The following MEGF9 variants were observed in gnomAD, a reference collection of about 807,000 sequenced individuals.
MEGF9 encodes the protein multiple epidermal growth factor-like domains protein 9.
Under a neutral mutation model 46.8 loss-of-function variants are expected in MEGF9, and 6 were observed. That is an observed-to-expected ratio of 0.13 (90% CI 0.07 to 0.25). The LOEUF is 0.25. MEGF9 is among the 10% of genes least tolerant of loss of function. MEGF9 has a pLI of 1.00. For synonymous variants in MEGF9, 302 were observed against 330.7 expected, an observed-to-expected ratio of 0.91 and a Z score of 0.94; for missense variants, 683 against 792.4, an observed-to-expected ratio of 0.86 and a Z score of 1.66.
intron 2 of MEGF9, among the ~76,000 whole-genome samples, chr9:120,650,026 G>C (rs2043642848): frequency 6.6e-6 from 1 of 152,162 alleles, no homozygotes; most frequent in Non-Finnish European, 1.5e-5. Context: ...CAGCACTTTG[G>C]GAGGCTGAGT....
chr9:120,650,478 G>T (rs1399132074), intron 2 of MEGF9, among the ~76,000 whole-genome samples: 5 of 152,100 alleles, frequency 3.3e-5, no homozygotes, highest in Non-Finnish European at 7.3e-5. Flanking sequence ...CACCAATGGT[G>T]ATGTGAGGGG....
rs890638739 is a variant in MEGF9, at chr9:120,639,914, C to T, written c.804-17159G>A. On this transcript the variant is annotated intron_variant, in intron 2 of 5. Coordinates refer to ENST00000373930, the MANE Select transcript of MEGF9 (RefSeq NM_001080497.3). ...CTAATAGATAGCCAAAACTCTAGTA[C>T]GATTCATTGATAAATCCACCCTTTA... is the stretch of plus-strand genomic sequence containing the variant. Among the ~76,000 whole-genome samples the T allele has an allele frequency of 5.3e-5, 8 of 152,142 alleles. No individual in the cohort carries two copies. In the East Asian group the frequency reaches 5.8e-4, roughly 11 times the overall value.
chr9:120,707,644 GAGTA>G (rs1425765564), intron 1 of MEGF9, among the ~76,000 whole-genome samples: 3 of 152,138 alleles, frequency 2.0e-5, no homozygotes, highest in East Asian at 1.9e-4. Flanking sequence ...AAAGAAACAC[GAGTA>G]AGTAAGATCC....
rs2043398381 is a variant in MEGF9, at chr9:120,602,004, GCTTT to G, written c.*3182_*3185del. The stretch of plus-strand genomic sequence containing the variant: ...TACACAAACATTCTCCCAATATTAG[GCTTT>G]CTTTTTCTTCCTTTTTTTTGAGACA... On this transcript the variant is annotated 3_prime_UTR_variant, in exon 6 of 6. Transcript: ENST00000373930. 5 of 152,050 alleles carry G rather than the reference GCTTT, an allele frequency of 3.3e-5. No individual in the cohort carries two copies. In the South Asian group the frequency reaches 8.3e-4, roughly 25 times the overall value. 9.4% of individuals were successfully genotyped at this position (152,050 alleles called of 1,614,324 possible).
chr9:120,678,735 A>G (rs1338677262), intron 1 of MEGF9, among the ~76,000 whole-genome samples: 1 of 152,110 alleles, frequency 6.6e-6, no homozygotes, highest in African/African-American at 2.4e-5. Flanking sequence ...CGGCCTCCCA[A>G]AGTGCTGGGA....
intron 1 of MEGF9, among the ~76,000 whole-genome samples, chr9:120,712,909 T>C (rs1260861783): frequency 6.6e-6 from 1 of 152,226 alleles, no homozygotes; most frequent in Non-Finnish European, 1.5e-5. Flanking sequence ...TGTCTTTAAC[T>C]TTGCTTGAAG....
In MEGF9 at chr9:120,713,849, G is replaced by T; in HGVS notation, c.510C>A (p.Pro170=). Residue 170 remains proline, a synonymous_variant, in exon 1 of 6, where the codon CCC becomes CCA. Transcript: ENST00000373930. ...VATTVPAPTT[P]RTPTPDLPSS... is the part of the protein sequence containing the mutation. ...TGGGGAGATCGGGGGTCGGGGTCCG[G>T]GGAGTCGTGGGCGCCGGTACGGTGG... 1 of 1,302,122 alleles carries T rather than the reference G, an allele frequency of 7.7e-7. No homozygotes were observed. The highest frequency in any genetic ancestry group is 9.8e-7 in the Non-Finnish European group (1 of 1,023,062). The allele number at this position is 1,302,122 out of a possible 1,614,324, so 80.7% of individuals were successfully genotyped here.
In MEGF9 at chr9:120,696,935, T is replaced by C. The variant is rs189227551; in HGVS notation, c.601+16823A>G. On this transcript the variant is annotated intron_variant, in intron 1 of 5. Coordinates refer to ENST00000373930, the MANE Select transcript of MEGF9 (RefSeq NM_001080497.3). ...AAACATATTCGAATCTAGTTGGATC[T>C]ATAGTTGAATAACAGCTGCTCCTTT... Among the ~76,000 whole-genome samples the C allele has an allele frequency of 1.7e-3, 258 of 152,346 alleles. 4 individuals are homozygous for C. The highest frequency in any genetic ancestry group is 5.7e-4 in the Non-Finnish European group (39 of 68,034).
chr9:120,609,516 T>C (rs2043435112), intron 4 of MEGF9, among the ~76,000 whole-genome samples: 1 of 152,218 alleles, frequency 6.6e-6, no homozygotes, highest in African/African-American at 2.4e-5. Context: ...TTTCTGTCTT[T>C]ATCGCCAATG....
intron 1 of MEGF9, among the ~76,000 whole-genome samples, chr9:120,711,831 A>G (rs111875986): frequency 0.024 from 3,442 of 146,140 alleles, 148 homozygotes; most frequent in African/African-American, 0.085. Flanking sequence ...AATGCTTTCT[A>G]TACATACATA....
intron 1 of MEGF9, among the ~76,000 whole-genome samples, chr9:120,700,187 TC>T (rs1428645384): frequency 6.6e-6 from 1 of 152,064 alleles, no homozygotes; most frequent in Non-Finnish European, 1.5e-5. Flanking sequence ...AGTCATAGAG[TC>T]ATCAAAAAAT....
intron 2 of MEGF9, among the ~76,000 whole-genome samples, chr9:120,633,161 G>C (rs2043558070): frequency 6.6e-6 from 1 of 152,156 alleles, no homozygotes; most frequent in South Asian, 2.1e-4. Context: ...GTTTCAGGAG[G>C]ATTAGTATTA....
chr9:120,659,996 G>A (rs947040999), intron 1 of MEGF9, among the ~76,000 whole-genome samples: 6 of 150,698 alleles, frequency 4.0e-5, no homozygotes, highest in Admixed American at 6.7e-5. Context: ...ACTAGATTGT[G>A]CCATAGCTAG....
intron 2 of MEGF9, among the ~76,000 whole-genome samples, chr9:120,628,472 T>TTG (rs1301417668): frequency 7.5e-6 from 1 of 133,820 alleles, no homozygotes; most frequent in Admixed American, 7.4e-5. Context: ...GTCGTTGTTT[T>TTG]TTTTTTTTTT....
At chr9:120,692,688 C>T (rs2043854747) in intron 1 of MEGF9, among the ~76,000 whole-genome samples, 1 of 152,158 alleles carries the variant, frequency 6.6e-6, no homozygotes, top group African/African-American at 2.4e-5. Flanking sequence ...TTTTCCTCCC[C>T]TACTCGAGCC....
intron 1 of MEGF9, among the ~76,000 whole-genome samples, chr9:120,697,595 C>A (rs1428751266): frequency 6.6e-6 from 1 of 152,170 alleles, no homozygotes; most frequent in Non-Finnish European, 1.5e-5. Flanking sequence ...CTTGTTAGCA[C>A]CGATCCTCTT....
intron 2 of MEGF9, among the ~76,000 whole-genome samples, chr9:120,627,182 T>G (rs571559348): frequency 9.0e-4 from 137 of 152,232 alleles, no homozygotes; most frequent in African/African-American, 3.2e-3. Flanking sequence ...AGAAACAGTT[T>G]TGGGGGAAAA....
At chr9:120,688,048 A>C (rs548443147) in intron 1 of MEGF9, among the ~76,000 whole-genome samples, 13 of 152,036 alleles carry the variant, frequency 8.6e-5, no homozygotes, top group Non-Finnish European at 1.8e-4. Context: ...CTATAGAAAT[A>C]ATCATCTATT....
At chr9:120,657,428 T>C (rs1239084713) in intron 2 of MEGF9, among the ~76,000 whole-genome samples, 1 of 152,262 alleles carries the variant, frequency 6.6e-6, no homozygotes, top group Non-Finnish European at 1.5e-5. Context: ...ATTACTGTTT[T>C]TTCCTCTTTT....
Sources: gnomAD v4.1 joint callset for allele counts (sites outside exome capture counted in the v4.1 genomes callset) on GRCh38, gnomAD v4.1.1 for gene constraint, MANE v1.5 for transcripts, NCBI Gene and HGNC (gene_info 2026-07-23, HGNC 2026-07-21) for gene names.